BLM: variants seen among roughly 807,000 people sequenced by gnomAD.
BLM encodes the protein recQ-like DNA helicase BLM.
A neutral mutation model predicts 135.3 loss-of-function variants in BLM; 95 were observed. The observed-to-expected ratio is 0.70, with a 90% confidence interval of 0.59 to 0.83. The LOEUF (loss-of-function observed/expected upper bound fraction) is 0.83, where lower values mean the gene tolerates loss of function less well. Ranked by LOEUF, BLM falls within the 40% of genes least tolerant of loss-of-function variation. The probability of loss-of-function intolerance (pLI) is 0.00; values close to 1 mark genes in which losing one functional copy is unlikely to be tolerated. For synonymous variants in BLM, 520 were observed against 589.2 expected, an observed-to-expected ratio of 0.88 and a Z score of 1.70; for missense variants, 1,518 against 1,663.9, an observed-to-expected ratio of 0.91 and a Z score of 1.53.
At chr15:90,726,424 A>G (rs1894918340) in intron 1 of BLM, among the ~76,000 whole-genome samples, 1 of 152,126 alleles carries the variant, frequency 6.6e-6, no homozygotes, top group Non-Finnish European at 1.5e-5. Flanking sequence ...ATGCGCCACC[A>G]TGCCTGGCTA....
Position 90,784,950 on chromosome 15 carries a change from A to G in BLM, c.2692A>G (p.Arg898Gly). The G allele has an allele frequency of 6.2e-7, 1 of 1,614,098 alleles. No homozygotes were observed. The highest frequency in any genetic ancestry group is 8.5e-7 in the Non-Finnish European group (1 of 1,179,972). The change falls in exon 14 of 22, where the codon AGG becomes GGG. Residue 898 changes from arginine to glycine, a missense_variant. Around this residue, in one of 5 missense-constraint regions of BLM, gnomAD observed 626 missense variants for 681.1 expected, o/e 0.92. Transcript: ENST00000355112. ...TTCAGGGATAATTTACTGCCTCTCC[A>G]GGCGAGAATGTGACACCATGGCTGA... ...YDSGIIYCLS[R>G]RECDTMADTL... is the part of the protein sequence containing the mutation.
At chr15:90,719,233 C>T (rs1171397145) in intron 1 of BLM, among the ~76,000 whole-genome samples, 1 of 152,140 alleles carries the variant, frequency 6.6e-6, no homozygotes, top group African/African-American at 2.4e-5. Context: ...CCTCGTGATC[C>T]GCCTGCCTCC....
In BLM at chr15:90,790,792, C is replaced by T. The variant is rs1198590438; in HGVS notation, c.2967C>T (p.Cys989=). ...RAGRDGEISH[C]LLFYTYHDVT... ...GAAGAGATGGGGAAATATCTCACTG[C>T]CTGCTTTTCTATACCTATCATGATG... The change falls in exon 15 of 22, where the codon TGC becomes TGT. Residue 989 remains cysteine (C), a synonymous_variant. Coordinates refer to ENST00000355112, the MANE Select transcript of BLM (RefSeq NM_000057.4). The T allele has an allele frequency of 6.2e-7, 1 of 1,614,004 alleles. No individual in the cohort carries two copies. The highest frequency in any genetic ancestry group is 8.5e-7 in the Non-Finnish European group (1 of 1,180,024).
At chr15:90,763,701 G>T (rs1216221534) in intron 8 of BLM, among the ~76,000 whole-genome samples, 1 of 152,192 alleles carries the variant, frequency 6.6e-6, no homozygotes, top group Non-Finnish European at 1.5e-5. Context: ...TCACAGAGTG[G>T]CATGAGGATT....
intron 1 of BLM, among the ~76,000 whole-genome samples, chr15:90,742,682 T>G (rs148408435): frequency 1.0e-3 from 155 of 152,198 alleles, no homozygotes; most frequent in African/African-American, 3.7e-3. Context: ...TTGCCCAGGC[T>G]GGAGTGCAGT....
intron 16 of BLM, among the ~76,000 whole-genome samples, chr15:90,795,720 T>C (rs963371806): frequency 4.6e-5 from 7 of 152,198 alleles, no homozygotes; most frequent in Non-Finnish European, 8.8e-5. Flanking sequence ...ATCCCTGCCC[T>C]TGTGGAGCTT....
intron 12 of BLM, among the ~76,000 whole-genome samples, chr15:90,775,939 CA>C (rs1377608450): frequency 6.6e-6 from 1 of 152,152 alleles, no homozygotes; most frequent in Non-Finnish European, 1.5e-5. Flanking sequence ...GTGATCCTCC[CA>C]CCTTAATCTT....
chr15:90,774,921 A>G (rs1443971526), intron 12 of BLM, among the ~76,000 whole-genome samples: 1 of 151,888 alleles, frequency 6.6e-6, no homozygotes, highest in Non-Finnish European at 1.5e-5. Flanking sequence ...ACGCCAGATC[A>G]TGGAGGATCT....
At chr15:90,717,821 C>G (rs555359953) in intron 1 of BLM, among the ~76,000 whole-genome samples, 8 of 152,328 alleles carry the variant, frequency 5.3e-5, no homozygotes, top group African/African-American at 1.9e-4. Flanking sequence ...AACGAAAACA[C>G]TTTGTACTTT....
chr15:90,752,875 G>C (rs1457710999), intron 4 of BLM, among the ~76,000 whole-genome samples: 1 of 152,170 alleles, frequency 6.6e-6, no homozygotes, highest in Non-Finnish European at 1.5e-5. Flanking sequence ...TTTACCAGGT[G>C]AAACAGCTGA....
chr15:90,733,252 C>T lies in BLM; in HGVS notation c.-4-14137C>T, dbSNP rs569012486. On this transcript the variant is annotated intron_variant, in intron 1 of 21. Transcript: ENST00000355112. ...AACAGGATTAATTTATGTACCTTTA[C>T]GTAAACAAATTTGAAAACTAAAATG... Among the ~76,000 whole-genome samples, 15 of 152,204 alleles carry T rather than the reference C, an allele frequency of 9.9e-5. No individual in the cohort carries two copies. The South Asian group carries it at 1.7e-3, about 17-fold the overall frequency.
chr15:90,750,708 A>G (rs111960553), intron 3 of BLM, among the ~76,000 whole-genome samples: 166 of 152,342 alleles, frequency 1.1e-3, no homozygotes, highest in Non-Finnish European at 1.4e-3. Context: ...ATTTTGAGCA[A>G]GGGAGACCAC....
intron 9 of BLM, among the ~76,000 whole-genome samples, 190 bp downstream of exon 9, chr15:90,765,604 A>G (rs1480859136): frequency 6.6e-6 from 1 of 152,260 alleles, no homozygotes; most frequent in Non-Finnish European, 1.5e-5. Flanking sequence ...TTCTACAAGA[A>G]TGTATCTTAG....
rs7163132 is a variant in BLM at position 90,717,735 on chromosome 15, G to C, written c.-5+295G>C. On this transcript the variant is annotated intron_variant, in intron 1 of 21. Transcript: ENST00000355112. ...TGTTGTTGCCCATATACTCCAGTGCGTAACATGATGCCCTGCACAGAGTAA... is the reference window on the plus strand; with the variant it reads ...TGTTGTTGCCCATATACTCCAGTGCCTAACATGATGCCCTGCACAGAGTAA... Among the ~76,000 whole-genome samples, 14,034 of 152,274 alleles carry C rather than the reference G, an allele frequency of 0.092. 1,974 individuals are homozygous for C. Among genetic ancestry groups the C allele is most frequent in the African/African-American group, 0.3 (12,303 of 41,526 alleles).
At chr15:90,765,748 A>G (rs1596234634) in intron 9 of BLM, among the ~76,000 whole-genome samples, 1 of 152,248 alleles carries the variant, frequency 6.6e-6, no homozygotes, top group African/African-American at 2.4e-5. Context: ...ACACACATGC[A>G]TGCCTGCACA....
intron 12 of BLM, among the ~76,000 whole-genome samples, chr15:90,777,144 G>T (rs1327787718): frequency 1.3e-5 from 2 of 149,946 alleles, no homozygotes; most frequent in Non-Finnish European, 3.0e-5. Flanking sequence ...TGCCTGGCTG[G>T]CTTCATTTTC....
intron 7 of BLM, among the ~76,000 whole-genome samples, chr15:90,761,998 G>A (rs936468197): frequency 8.5e-5 from 13 of 152,134 alleles, no homozygotes; most frequent in African/African-American, 3.1e-4. Flanking sequence ...ATAAAGTACA[G>A]CCCTCCCTAT....
intron 5 of BLM, 43 bp downstream of exon 5, chr15:90,754,981 A>G (rs1567038109): frequency 1.9e-6 from 3 of 1,606,570 alleles, no homozygotes; most frequent in Non-Finnish European, 1.7e-6. Flanking sequence ...TCAACTACTT[A>G]CTTTTGAAAA....
chr15:90,807,905 C>A (rs752006892), intron 19 of BLM, among the ~76,000 whole-genome samples: 1 of 152,226 alleles, frequency 6.6e-6, no homozygotes, highest in East Asian at 1.9e-4. Context: ...TAAGTTCTCA[C>A]AAGCATGAGC....
Sources: gnomAD v4.1 joint callset for allele counts (sites outside exome capture counted in the v4.1 genomes callset) on GRCh38, gnomAD v4.1.1 for gene constraint, gnomAD v4.1.1 regional missense constraint, MANE v1.5 for transcripts, NCBI Gene and HGNC (gene_info 2026-07-23, HGNC 2026-07-21) for gene names.